IQSEC1: variants seen among roughly 807,000 people sequenced by gnomAD.
The protein encoded by IQSEC1 is IQ motif and Sec7 domain ArfGEF 1.
IQSEC1 carries 31 observed loss-of-function variants against 91.0 expected under a neutral mutation model. The observed-to-expected ratio is 0.34, with a 90% confidence interval of 0.26 to 0.46. The LOEUF (loss-of-function observed/expected upper bound fraction) is 0.46. IQSEC1 is among the 20% of genes least tolerant of loss of function. The probability of loss-of-function intolerance (pLI) is 1.00; values close to 1 mark genes in which losing one functional copy is unlikely to be tolerated. For synonymous variants in IQSEC1, 699 were observed against 662.6 expected (o/e 1.05, Z -0.84); for missense variants, 1,388 against 1,575.6 (o/e 0.88, Z 2.02).
At chr3:13,037,224 G>A (rs969048244) in intron 1 of IQSEC1, among the ~76,000 whole-genome samples, 5 of 152,144 alleles carry the variant, frequency 3.3e-5, no homozygotes, top group African/African-American at 1.2e-4. Context: ...CATACTGCCA[G>A]GGCCACTTTG....
chr3:13,077,036 T>C (rs1013142161), upstream of IQSEC1, among the ~76,000 whole-genome samples: 1 of 151,870 alleles, frequency 6.6e-6, no homozygotes, highest in Non-Finnish European at 1.5e-5. Context: ...CTTTCTTTTT[T>C]TTTTTTTTTA....
rs774456314 is a variant in IQSEC1 at position 12,908,250 on chromosome 3, G to A, written c.2755+99C>T. On this transcript the variant is annotated intron_variant, in intron 12 of 13. Transcript: ENST00000613206. This position sits in a 1 kb window ranked among gnomAD's most constrained non-coding sequence, Gnocchi z 4.9. ...GGGGAAATGCCGCACTGGCTTCGCC[G>A]CAGGCCCTGCCCCGCGTGATGCATG... is the stretch of plus-strand genomic sequence containing the variant. 34 of 1,297,456 alleles carry A rather than the reference G, an allele frequency of 2.6e-5. No homozygotes were observed. The highest frequency in any genetic ancestry group is 2.7e-4 in the Middle Eastern group (1 of 3,706). 80.4% of individuals were successfully genotyped at this position (1,297,456 alleles called of 1,614,324 possible).
At chr3:13,015,976 A>G (rs1331641237) in intron 1 of IQSEC1, among the ~76,000 whole-genome samples, 1 of 152,246 alleles carries the variant, frequency 6.6e-6, no homozygotes, top group South Asian at 2.1e-4. Context: ...GTCTCTGGCC[A>G]CATGGGCACT....
chr3:12,928,320 C>T (rs781013473), intron 3 of IQSEC1, among the ~76,000 whole-genome samples: 1 of 152,200 alleles, frequency 6.6e-6, no homozygotes. Context: ...GAACCTAGTG[C>T]GGGCGATGGA....
At chr3:12,946,228 C>T (rs905587762) in intron 1 of IQSEC1, among the ~76,000 whole-genome samples, 4 of 152,238 alleles carry the variant, frequency 2.6e-5, no homozygotes, top group Non-Finnish European at 5.9e-5. Context: ...TGCTGGACAT[C>T]TCACCACCCA....
Position 12,909,136 on chromosome 3 carries a change from T to G in IQSEC1, c.2578+137A>C. 2 of 888,308 alleles carry G rather than the reference T, an allele frequency of 2.3e-6. No individual in the cohort carries two copies. Among genetic ancestry groups the G allele is most frequent in the Non-Finnish European group, 3.5e-6 (2 of 567,396 alleles). 55.0% of individuals were successfully genotyped at this position (888,308 alleles called of 1,614,324 possible). On this transcript the variant is annotated intron_variant, in intron 11 of 13. Transcript: ENST00000613206. The surrounding 1 kb of genome is among the most constrained non-coding windows in gnomAD (Gnocchi z 4.9). Reference sequence around the variant, plus strand: ...CCTGGGAACACAGACTGCCCCATCATGTGGCCATAGGGAAGGCCAGAAAAG... The same window carrying G: ...CCTGGGAACACAGACTGCCCCATCAGGTGGCCATAGGGAAGGCCAGAAAAG...
chr3:13,237,074 C>A (rs1694943106), intron 1 of IQSEC1, among the ~76,000 whole-genome samples: 1 of 152,246 alleles, frequency 6.6e-6, no homozygotes, highest in Non-Finnish European at 1.5e-5. Flanking sequence ...CAGGGCTGCA[C>A]TGGAAGGTCT....
intron 1 of IQSEC1, among the ~76,000 whole-genome samples, chr3:13,179,612 C>T (rs1446094712): frequency 6.6e-6 from 1 of 152,276 alleles, no homozygotes; most frequent in East Asian, 1.9e-4. Context: ...ACAGCCCTCG[C>T]TCGCTCTCGG....
At chr3:12,999,178 T>C (rs1026668969) in intron 1 of IQSEC1, among the ~76,000 whole-genome samples, 5 of 152,188 alleles carry the variant, frequency 3.3e-5, no homozygotes, top group African/African-American at 1.2e-4. Context: ...GTGTCCCTTC[T>C]GAGCCTCAAG....
intron 1 of IQSEC1, among the ~76,000 whole-genome samples, chr3:13,041,652 G>T (rs1474493501): frequency 3.3e-5 from 5 of 152,150 alleles, no homozygotes; most frequent in Non-Finnish European, 7.3e-5. Flanking sequence ...GAACACACAC[G>T]CTCGGAAGAA....
At chr3:13,117,445 G>T (rs1201082490) in intron 2 of IQSEC1, among the ~76,000 whole-genome samples, 1 of 151,100 alleles carries the variant, frequency 6.6e-6, no homozygotes, top group South Asian at 2.1e-4. Context: ...AATTAACCGG[G>T]CGTGGTGGCG....
intron 1 of IQSEC1, among the ~76,000 whole-genome samples, chr3:13,230,310 C>CA (rs34659410): frequency 0.66 from 99,675 of 152,076 alleles, 33,430 homozygotes; most frequent in East Asian, 0.86. Context: ...GATTTCCCCT[C>CA]AAACGCTCAC....
rs1313273456 is a variant in IQSEC1 at position 12,898,310 on chromosome 3, A to G, written c.*2673T>C. ...TGACTCCAGCCTCTGGAACCCAACAATGTATCTTCCACAAACTTTTGATAA... is the reference window on the plus strand; with the variant it reads ...TGACTCCAGCCTCTGGAACCCAACAGTGTATCTTCCACAAACTTTTGATAA... On this transcript the variant is annotated 3_prime_UTR_variant, in exon 14 of 14. Transcript: ENST00000613206. 5 of 152,268 alleles carry G rather than the reference A, an allele frequency of 3.3e-5. No homozygotes were observed. In the East Asian group the frequency reaches 5.8e-4, roughly 18 times the overall value. 9.4% of individuals were successfully genotyped at this position (152,268 alleles called of 1,614,324 possible). A position where few individuals can be genotyped will look rare whatever the true frequency, so the allele number is the denominator to read the frequency against.
chr3:13,229,950 T>C (rs1223279177), intron 1 of IQSEC1, among the ~76,000 whole-genome samples: 2 of 152,176 alleles, frequency 1.3e-5, no homozygotes, highest in East Asian at 1.9e-4. Context: ...TGAGTTAATA[T>C]GCATAAAATA....
At position 13,069,700 on chromosome 3, in the gene IQSEC1, C is replaced by T. The variant is rs376669138; in HGVS notation, c.23+3292G>A. ...CTCACACACCACAAACTCCTCACAGCCTCACTTCCTGTGTTCAAGTGACAG... is the reference window on the plus strand; with the variant it reads ...CTCACACACCACAAACTCCTCACAGTCTCACTTCCTGTGTTCAAGTGACAG... On this transcript the variant is annotated intron_variant, in intron 1 of 13. Coordinates refer to ENST00000613206, the MANE Select transcript of IQSEC1 (RefSeq NM_001134382.3). Among the ~76,000 whole-genome samples the T allele has an allele frequency of 3.7e-3, 560 of 152,350 alleles. 35 individuals are homozygous for T. The South Asian group carries it at 0.095, about 26-fold the overall frequency.
At position 12,936,091 on chromosome 3, in the gene IQSEC1, C is replaced by T. The variant is rs750350018; in HGVS notation, c.925G>A (p.Asp309Asn). 2 of 1,610,340 alleles carry T rather than the reference C, an allele frequency of 1.2e-6. No homozygotes were observed. The highest frequency in any genetic ancestry group is 2.2e-5 in the South Asian group (2 of 91,052). ...SPPLPLSQAG[D>N]RPSSTESDLR... ...TCCGACTCGGTGCTGGACGGCCGGT[C>T]CCCTGCCTGCGAGAGGGGCAGAGGG... Residue 309 changes from aspartate (D) to asparagine (N), a missense_variant, in exon 3 of 14, where the codon GAC becomes AAC. Around this residue, in one of 2 missense-constraint regions of IQSEC1, gnomAD observed 1,059 missense variants for 1,317.8 expected, o/e 0.80. Transcript: ENST00000613206.
intron 1 of IQSEC1, among the ~76,000 whole-genome samples, chr3:13,174,036 C>A (rs1314114067): frequency 2.6e-5 from 4 of 152,168 alleles, no homozygotes; most frequent in African/African-American, 7.2e-5. Flanking sequence ...AGGGCTCGAA[C>A]CATCCTGCTG....
At chr3:13,084,385 G>A (rs1446719855) in intron 2 of IQSEC1, among the ~76,000 whole-genome samples, 13 of 152,172 alleles carry the variant, frequency 8.5e-5, no homozygotes. Context: ...TTTCTGGCCT[G>A]GCAACATCCC....
intron 2 of IQSEC1, among the ~76,000 whole-genome samples, chr3:13,089,650 A>G (rs560870782): frequency 1.3e-5 from 2 of 152,336 alleles, no homozygotes; most frequent in East Asian, 1.9e-4. Context: ...CCTTGGAAAC[A>G]TGATGCTAAG....
Sources: allele counts gnomAD v4.1 joint callset (sites outside exome capture counted in the v4.1 genomes callset), GRCh38; gene constraint gnomAD v4.1.1; regional missense constraint gnomAD v4.1.1; non-coding constraint Gnocchi (gnomAD v3.1); transcripts MANE v1.5; gene names NCBI Gene and HGNC (gene_info 2026-07-23, HGNC 2026-07-21).